ZNF554: variants seen among roughly 807,000 people sequenced by gnomAD.
The protein encoded by ZNF554 is zinc finger protein 554.
ZNF554 carries 15 observed loss-of-function variants against 21.2 expected under a neutral mutation model. The observed-to-expected ratio is 0.71, with a 90% CI of 0.47 to 1.09. The LOEUF is 1.09. ZNF554 is among the 50% of genes least tolerant of loss of function. ZNF554 has a pLI of 0.00. For missense variants in ZNF554, 691 were observed against 662.7 expected, an observed-to-expected ratio of 1.04 and a Z score of -0.47; for synonymous variants, 258 against 251.4, an observed-to-expected ratio of 1.03 and a Z score of -0.25.
Position 2,836,731 on chromosome 19 carries a change from A to G in ZNF554, c.*1879A>G, listed in dbSNP as rs1040091308. On this transcript the variant is annotated 3_prime_UTR_variant, in exon 5 of 5. Coordinates refer to ENST00000317243, the MANE Select transcript of ZNF554 (RefSeq NM_001102651.2). Reference sequence around the variant, plus strand: ...TTGTGAAGGATACGGAACCTCATTGATGAGTCAGGATAGACTGTGGGTACC... The same window carrying G: ...TTGTGAAGGATACGGAACCTCATTGGTGAGTCAGGATAGACTGTGGGTACC... 1.3e-5 allele frequency among the ~76,000 whole-genome samples: 2 copies of G among 152,224 alleles called. No homozygotes were observed. The highest frequency in any genetic ancestry group is 6.5e-5 in the Admixed American group (1 of 15,278).
chr19:2,830,233 C>T (rs1366937106), intron 3 of ZNF554, among the ~76,000 whole-genome samples: 7 of 152,160 alleles, frequency 4.6e-5, no homozygotes, highest in African/African-American at 1.4e-4. Flanking sequence ...CCGTGCCCGG[C>T]AGACATTTCA....
At position 2,833,991 on chromosome 19, in the gene ZNF554, A is replaced by C; in HGVS notation, c.756A>C (p.Thr252=). The part of the protein sequence containing the change: ...NHLCGSELDI[T]SLASDSVLNH... ...TGTGTGGCAGCGAGTTAGATATTAC[A>C]AGCTTGGCATCCGATTCAGTCTTAA... Residue 252 remains threonine, a synonymous_variant, in exon 5 of 5, where the codon ACA becomes ACC. Coordinates refer to ENST00000317243, the MANE Select transcript of ZNF554 (RefSeq NM_001102651.2). The C allele has an allele frequency of 6.2e-7, 1 of 1,614,134 alleles. No homozygotes were observed. The highest frequency in any genetic ancestry group is 8.5e-7 in the Non-Finnish European group (1 of 1,180,048).
chr19:2,823,052 A>G lies in ZNF554; in HGVS notation c.66A>G (p.Pro22=). 1 of 1,613,650 alleles carries G rather than the reference A, an allele frequency of 6.2e-7. No individual in the cohort carries two copies. Among genetic ancestry groups the G allele is most frequent in the Non-Finnish European group, 8.5e-7 (1 of 1,179,656 alleles). The change falls in exon 2 of 5, where the codon CCA becomes CCG. Residue 22 remains proline, a synonymous_variant. Transcript: ENST00000317243. ...TTCCTCCCCACAGCTCTGCCTGCCC[A>G]GGAACCTGCTTTTCCCAAGAGGAGA... ...RLPAAQPSAC[P]GTCFSQEERM... is the part of the protein sequence containing the mutation.
In ZNF554 at chr19:2,834,950, G is replaced by A; in HGVS notation, c.*98G>A. 8.8e-7 allele frequency: 1 copy of A among 1,131,728 alleles called. No homozygotes were observed. The highest frequency in any genetic ancestry group is 1.2e-6 in the Non-Finnish European group (1 of 803,082). 70.1% of individuals were successfully genotyped at this position (1,131,728 alleles called of 1,614,324 possible). A position where few individuals can be genotyped will look rare whatever the true frequency, so the allele number is the denominator to read the frequency against. On this transcript the variant is annotated 3_prime_UTR_variant, in exon 5 of 5. Transcript: ENST00000317243. ...TGATGGATAATTTGAAAAGAAGTGG[G>A]TTTATGTCACCTTCTCACCTTCTTA...
intron 2 of ZNF554, among the ~76,000 whole-genome samples, chr19:2,824,102 G>T (rs1350467236): frequency 6.6e-6 from 1 of 152,162 alleles, no homozygotes; most frequent in Non-Finnish European, 1.5e-5. Context: ...AGGGACTAGG[G>T]AGTCCTTCCT....
intron 1 of ZNF554, among the ~76,000 whole-genome samples, chr19:2,822,383 C>G (rs2087275949): frequency 6.6e-6 from 1 of 152,160 alleles, no homozygotes; most frequent in South Asian, 2.1e-4. Flanking sequence ...GAGTACAGCC[C>G]TGCCCACACC....
At chr19:2,828,841 G>T (rs2087372917) in intron 3 of ZNF554, among the ~76,000 whole-genome samples, 1 of 152,084 alleles carries the variant, frequency 6.6e-6, no homozygotes, top group Non-Finnish European at 1.5e-5. Context: ...AAAACCATCA[G>T]ATCTCATGAG....
Position 2,834,372 on chromosome 19 carries a change from C to T in ZNF554, c.1137C>T (p.Pro379=). 1.9e-6 allele frequency: 3 copies of T among 1,613,980 alleles called. No individual in the cohort carries two copies. The highest frequency in any genetic ancestry group is 2.5e-6 in the Non-Finnish European group (3 of 1,179,990). ...RHLRTHTGEK[P]YGCGECGKAF... ...TGAGAACTCATACTGGAGAGAAGCC[C>T]TACGGGTGCGGTGAGTGCGGGAAAG... is the stretch of plus-strand genomic sequence containing the variant. Residue 379 remains proline (P), a synonymous_variant, in exon 5 of 5, where the codon CCC becomes CCT. Coordinates refer to ENST00000317243, the MANE Select transcript of ZNF554 (RefSeq NM_001102651.2).
At chr19:2,827,536 G>T in intron 2 of ZNF554, 81 bp from the exon 3 acceptor site, 1 of 1,531,006 alleles carries the variant, frequency 6.5e-7, no homozygotes, top group East Asian at 2.3e-5. Flanking sequence ...CAACTTCCCT[G>T]GTGCCACCAA....
At position 2,821,606 on chromosome 19, in the gene ZNF554, A is replaced by C. The variant is rs2087264892; in HGVS notation, c.54-1434A>C. On this transcript the variant is annotated intron_variant, in intron 1 of 4. Transcript: ENST00000317243. The surrounding 1 kb of genome is among the most constrained non-coding windows in gnomAD (Gnocchi z 8.2). ...GTGTCCCTTGGCTTGGGGCCACATC[A>C]CTCCAAGCTCTGCCTGCATCATCAT... is the stretch of plus-strand genomic sequence containing the variant. 6.6e-6 allele frequency among the ~76,000 whole-genome samples: 1 copy of C among 151,360 alleles called. No homozygotes were observed. Among genetic ancestry groups the C allele is most frequent in the African/African-American group, 2.4e-5 (1 of 40,892 alleles).
In ZNF554 at chr19:2,832,349, A is replaced by C. The variant is rs757319268; in HGVS notation, c.300A>C (p.Pro100=). Reference sequence around the variant, plus strand: ...CTGATGTGGGGATTAAAGAGGGTCCACTTTCCCCAGCACAAACCTCACAAG... The same window carrying C: ...CTGATGTGGGGATTAAAGAGGGTCCCCTTTCCCCAGCACAAACCTCACAAG... ...QCTDVGIKEG[P]LSPAQTSQVT... is the part of the protein sequence containing the mutation. The change falls in exon 4 of 5, where the codon CCA becomes CCC. Residue 100 remains proline, a synonymous_variant. Coordinates refer to ENST00000317243, the MANE Select transcript of ZNF554 (RefSeq NM_001102651.2). The C allele has an allele frequency of 4.3e-6, 7 of 1,613,010 alleles. No individual in the cohort carries two copies. Among genetic ancestry groups the C allele is most frequent in the Non-Finnish European group, 8.5e-7 (1 of 1,179,664 alleles).
Position 2,823,147 on chromosome 19 carries a change from T to C in ZNF554, c.126+35T>C, listed in dbSNP as rs189557322. ...CCTCATTCTCCCAAAGGGCACCCAG[T>C]ATATCCAGAGGGAACAATCCCACCA... On this transcript the variant is annotated intron_variant, in intron 2 of 4. Transcript: ENST00000317243. The C allele has an allele frequency of 2.2e-5, 35 of 1,598,068 alleles. No individual in the cohort carries two copies. In the East Asian group the frequency reaches 7.6e-4, roughly 35 times the overall value.
At position 2,834,525 on chromosome 19, in the gene ZNF554, CACCG is replaced by C; in HGVS notation, c.1291_1294del (p.Thr431GlufsTer49). Reference sequence around the variant, plus strand: ...ACCTGATCTTGCACAAGAGGACACACACCGGAGAGAAGCCCTACGAATGCAGTGA... The same window carrying C: ...ACCTGATCTTGCACAAGAGGACACACGAGAGAAGCCCTACGAATGCAGTGA... On this transcript the variant is annotated frameshift_variant, in exon 5 of 5. Transcript: ENST00000317243. LOFTEE classifies it low-confidence loss of function (END_TRUNC). 6.2e-7 allele frequency: 1 copy of C among 1,614,080 alleles called. No individual in the cohort carries two copies. Among genetic ancestry groups the C allele is most frequent in the Non-Finnish European group, 8.5e-7 (1 of 1,180,026 alleles).
In ZNF554 at chr19:2,834,660, G is replaced by T; in HGVS notation, c.1425G>T (p.Gln475His). ...AGCAGTGTGGGAGAGCCTTCAGCCAGAGGTCTTCCCTTGTGAGGCACGAGA... is the reference window on the plus strand; with the variant it reads ...AGCAGTGTGGGAGAGCCTTCAGCCATAGGTCTTCCCTTGTGAGGCACGAGA... ...ECKQCGRAFS[Q>H]RSSLVRHERT... is the part of the protein sequence containing the mutation. Residue 475 changes from glutamine to histidine, a missense_variant, in exon 5 of 5, where the codon CAG becomes CAT. Physicochemically the swap from Gln to His is conservative, Grantham distance 24. Transcript: ENST00000317243. 6.2e-7 allele frequency: 1 copy of T among 1,614,048 alleles called. No homozygotes were observed. Among genetic ancestry groups the T allele is most frequent in the African/African-American group, 1.3e-5 (1 of 75,016 alleles).
At chr19:2,827,869 T>C (rs2144812605) in intron 3 of ZNF554, 126 bp downstream of exon 3, 2 of 1,212,690 alleles carry the variant, frequency 1.6e-6, no homozygotes, top group East Asian at 5.3e-5. Flanking sequence ...GGGGGTTTAA[T>C]GGACTCAGTT....
At chr19:2,828,325 A>T (rs781514462) in intron 3 of ZNF554, among the ~76,000 whole-genome samples, 1 of 152,220 alleles carries the variant, frequency 6.6e-6, no homozygotes, top group Non-Finnish European at 1.5e-5. Flanking sequence ...GTCTCAGCTC[A>T]GGCATAGATA....
Position 2,836,178 on chromosome 19 carries a change from G to T in ZNF554, c.*1326G>T, listed in dbSNP as rs976767577. On this transcript the variant is annotated 3_prime_UTR_variant, in exon 5 of 5. Coordinates refer to ENST00000317243, the MANE Select transcript of ZNF554 (RefSeq NM_001102651.2). ...TGTGCTGGGATTACGGGCGTGAGCT[G>T]CCCATGCTGGGATTACGGGTGTGAG... Among the ~76,000 whole-genome samples the T allele has an allele frequency of 5.1e-5, 5 of 97,826 alleles. No homozygotes were observed. Among genetic ancestry groups the T allele is most frequent in the African/African-American group, 1.5e-4 (5 of 32,860 alleles). 64.2% of individuals were successfully genotyped at this position (97,826 alleles called of 152,430 possible).
At chr19:2,824,156 G>A (rs554314871) in intron 2 of ZNF554, among the ~76,000 whole-genome samples, 89 of 152,264 alleles carry the variant, frequency 5.8e-4, no homozygotes, top group South Asian at 3.3e-3. Context: ...TGGGTCCTGC[G>A]CCTGGGAGGA....
chr19:2,822,609 G>A lies in ZNF554; in HGVS notation c.54-431G>A, dbSNP rs113908559. Among the ~76,000 whole-genome samples the A allele has an allele frequency of 2.3e-4, 35 of 152,190 alleles. No individual in the cohort carries two copies. The East Asian group carries it at 6.6e-3, about 29-fold the overall frequency. Reference sequence around the variant, plus strand: ...AGACCCCTGGCCATGGATGTGTGTGGCGTCTCACACCTTTAATCCCAGAAT... The same window carrying A: ...AGACCCCTGGCCATGGATGTGTGTGACGTCTCACACCTTTAATCCCAGAAT... On this transcript the variant is annotated intron_variant, in intron 1 of 4. Transcript: ENST00000317243.
Sources: gnomAD v4.1 joint callset for allele counts (sites outside exome capture counted in the v4.1 genomes callset) on GRCh38, gnomAD v4.1.1 for gene constraint, Gnocchi (gnomAD v3.1) non-coding constraint, MANE v1.5 for transcripts, NCBI Gene and HGNC (gene_info 2026-07-23, HGNC 2026-07-21) for gene names.